Variants in OAF observed in about 807,000 individuals in gnomAD.
The protein encoded by OAF is out at first protein homolog.
Under a neutral mutation model 22.5 loss-of-function variants are expected in OAF, and 13 were observed. That is an observed-to-expected ratio of 0.58 (90% confidence interval 0.38 to 0.92). The LOEUF is 0.92. Among genes scored for constraint, OAF ranks in the 40% least tolerant of loss-of-function variants. The pLI, the probability that OAF is intolerant of heterozygous loss-of-function variation, is 0.00. For missense variants in OAF, 347 were observed against 381.8 expected (o/e 0.91, Z 0.76); for synonymous variants, 175 against 170.5 (o/e 1.03, Z -0.21).
At chr11:120,221,290 G>A (rs1259539322) in intron 1 of OAF, among the ~76,000 whole-genome samples, 3 of 152,190 alleles carry the variant, frequency 2.0e-5, no homozygotes, top group African/African-American at 7.2e-5. Flanking sequence ...CTGCTAATCA[G>A]TGCTCTCCCA....
Position 120,226,958 on chromosome 11 carries a change from A to G in OAF, c.509A>G (p.Tyr170Cys). The G allele has an allele frequency of 1.9e-6, 3 of 1,607,814 alleles. No homozygotes were observed. Among genetic ancestry groups the G allele is most frequent in the Non-Finnish European group, 2.6e-6 (3 of 1,175,138 alleles). ...NVCAEAVDAI[Y>C]TRQEDVRFWL... ...TGTGCCGAGGCCGTGGATGCCATCT[A>G]CACCCGCCAGGAGGATGTCCGGTTC... The change falls in exon 3 of 4, where the codon TAC (tyrosine) becomes TGC (cysteine). Residue 170 changes from tyrosine to cysteine, a missense_variant. Physicochemically the swap from Tyr to Cys is radical, Grantham distance 194. Transcript: ENST00000328965.
rs1443053112 is a variant in OAF, at chr11:120,229,177, C to T, written c.*35C>T. On this transcript the variant is annotated 3_prime_UTR_variant, in exon 4 of 4. Coordinates refer to ENST00000328965, the MANE Select transcript of OAF (RefSeq NM_178507.4). ...AACCTGGCGGGTGGCTGCTCTGGGC[C>T]CACTGCTCTTCACCAGCCACTAGAG... The T allele has an allele frequency of 1.3e-6, 2 of 1,589,162 alleles. No individual in the cohort carries two copies. The highest frequency in any genetic ancestry group is 2.2e-5 in the East Asian group (1 of 44,484).
chr11:120,225,800 G>A lies in OAF; in HGVS notation c.366+5G>A. The A allele has an allele frequency of 1.3e-6, 2 of 1,596,388 alleles. No individual in the cohort carries two copies. Among genetic ancestry groups the A allele is most frequent in the Non-Finnish European group, 1.7e-6 (2 of 1,172,742 alleles). On this transcript the variant is annotated splice_donor_5th_base_variant and intron_variant, in intron 2 of 3. Coordinates refer to ENST00000328965, the MANE Select transcript of OAF (RefSeq NM_178507.4). ...GCCATGGCCAAGCTCCGGCAGGTAAGTGCCCCACCAGGCCTGCCTGGCCCA... is the reference window on the plus strand; with the variant it reads ...GCCATGGCCAAGCTCCGGCAGGTAAATGCCCCACCAGGCCTGCCTGGCCCA...
Position 120,229,771 on chromosome 11 carries a change from A to G in OAF, c.*629A>G, listed in dbSNP as rs1275899447. On this transcript the variant is annotated 3_prime_UTR_variant, in exon 4 of 4. Transcript: ENST00000328965. ...CCACGAGTGCCTTTCCCGGACCTGGACGTTGCCTCCAGAGCAGGCACCAGC... is the reference window on the plus strand; with the variant it reads ...CCACGAGTGCCTTTCCCGGACCTGGGCGTTGCCTCCAGAGCAGGCACCAGC... 2 of 152,806 alleles carry G rather than the reference A, an allele frequency of 1.3e-5. No individual in the cohort carries two copies. Among genetic ancestry groups the G allele is most frequent in the African/African-American group, 2.4e-5 (1 of 41,444 alleles). 9.5% of individuals were successfully genotyped at this position (152,806 alleles called of 1,614,324 possible).
At chr11:120,220,449 G>C (rs1286485914) in intron 1 of OAF, among the ~76,000 whole-genome samples, 1 of 152,228 alleles carries the variant, frequency 6.6e-6, no homozygotes, top group Non-Finnish European at 1.5e-5. Flanking sequence ...AGCACCTGCT[G>C]TGTTCCAGGG....
chr11:120,219,964 C>T (rs553749076), intron 1 of OAF, among the ~76,000 whole-genome samples: 23 of 152,320 alleles, frequency 1.5e-4, no homozygotes, highest in Admixed American at 1.3e-3. Flanking sequence ...AGCATTCATT[C>T]GTTCCTCCAG....
intron 1 of OAF, among the ~76,000 whole-genome samples, chr11:120,220,763 G>A (rs149667920): frequency 5.3e-4 from 81 of 152,300 alleles, no homozygotes; most frequent in East Asian, 7.7e-4. Flanking sequence ...ACACAGCATC[G>A]CTCATTCTGG....
chr11:120,214,967 A>C (rs1370423385), intron 1 of OAF, among the ~76,000 whole-genome samples: 1 of 152,160 alleles, frequency 6.6e-6, no homozygotes, highest in Non-Finnish European at 1.5e-5. Flanking sequence ...TCACCTGGGG[A>C]GCTTTGAAAA....
intron 3 of OAF, among the ~76,000 whole-genome samples, chr11:120,228,541 G>A (rs1441279783): frequency 6.6e-6 from 1 of 152,244 alleles, no homozygotes; most frequent in Admixed American, 6.5e-5. Flanking sequence ...ACTCTGGGTC[G>A]ATGTTCTCAT....
chr11:120,212,994 C>G (rs572314062), intron 1 of OAF, among the ~76,000 whole-genome samples: 1 of 151,524 alleles, frequency 6.6e-6, no homozygotes, highest in African/African-American at 2.4e-5. Context: ...CATCAGGAAT[C>G]GGGGATCTAA....
chr11:120,212,381 C>T (rs1327560757), intron 1 of OAF, among the ~76,000 whole-genome samples: 1 of 151,182 alleles, frequency 6.6e-6, no homozygotes, highest in Non-Finnish European at 1.5e-5. Flanking sequence ...ACCCAGGGGG[C>T]TGGGGGATTA....
At chr11:120,216,128 G>C (rs528489900) in intron 1 of OAF, among the ~76,000 whole-genome samples, 8 of 152,338 alleles carry the variant, frequency 5.3e-5, no homozygotes, top group Non-Finnish European at 1.2e-4. Context: ...TGATGAGTGA[G>C]TGGGAGCCAG....
chr11:120,216,416 A>G (rs1460011306), intron 1 of OAF, among the ~76,000 whole-genome samples: 1 of 152,248 alleles, frequency 6.6e-6, no homozygotes, highest in East Asian at 1.9e-4. Context: ...CTCCTTGGGG[A>G]GGAAAAGGCA....
intron 3 of OAF, 43 bp from the exon 4 acceptor site, chr11:120,228,825 T>TACCAAACAA: frequency 4.6e-6 from 2 of 434,174 alleles, no homozygotes; most frequent in Non-Finnish European, 9.3e-6. Context: ...GCTCCTTCCC[T>TACCAAACAA]CCCTCCCTCC....
intron 1 of OAF, among the ~76,000 whole-genome samples, chr11:120,221,880 G>A (rs1267413422): frequency 3.9e-5 from 6 of 152,170 alleles, no homozygotes; most frequent in East Asian, 1.9e-4. Flanking sequence ...ACAACCTCCC[G>A]TCTTGGGGAC....
At chr11:120,219,582 C>T (rs531335815) in intron 1 of OAF, among the ~76,000 whole-genome samples, 1 of 152,164 alleles carries the variant, frequency 6.6e-6, no homozygotes, top group Admixed American at 6.5e-5. Context: ...TCCCCCAGTG[C>T]AGCTGAACCA....
At position 120,225,713 on chromosome 11, in the gene OAF, G is replaced by A; in HGVS notation, c.284G>A (p.Ser95Asn). 1 of 1,606,262 alleles carries A rather than the reference G, an allele frequency of 6.2e-7. No homozygotes were observed. The highest frequency in any genetic ancestry group is 8.5e-7 in the Non-Finnish European group (1 of 1,176,530). The change falls in exon 2 of 4, where the codon AGT becomes AAT. Residue 95 changes from serine to asparagine, a missense_variant. Transcript: ENST00000328965. ...LILGELEKGQ[S>N]QFQALCFVTQ... ...CTGGGGGAGCTGGAGAAGGGGCAGA[G>A]TCAGTTCCAGGCCCTCTGCTTTGTC...
At chr11:120,224,516 C>T (rs988547768) in intron 1 of OAF, among the ~76,000 whole-genome samples, 2 of 152,184 alleles carry the variant, frequency 1.3e-5, no homozygotes, top group Non-Finnish European at 2.9e-5. Context: ...CTGTGAGTCC[C>T]TTGCCGCATG....
At position 120,229,209 on chromosome 11, in the gene OAF, G is replaced by A. The variant is rs1938404262; in HGVS notation, c.*67G>A. 2 of 1,470,332 alleles carry A rather than the reference G, an allele frequency of 1.4e-6. No individual in the cohort carries two copies. Among genetic ancestry groups the A allele is most frequent in the Non-Finnish European group, 1.9e-6 (2 of 1,067,194 alleles). 91.1% of individuals were successfully genotyped at this position (1,470,332 alleles called of 1,614,324 possible). On this transcript the variant is annotated 3_prime_UTR_variant, in exon 4 of 4. Transcript: ENST00000328965. ...TCTTCACCAGCCACTAGAGGGGGTG[G>A]CAACCCCCACCTGAGGCCTTATTTC...
Sources: allele counts gnomAD v4.1 joint callset (sites outside exome capture counted in the v4.1 genomes callset), GRCh38; gene constraint gnomAD v4.1.1; transcripts MANE v1.5; gene names NCBI Gene and HGNC (gene_info 2026-07-23, HGNC 2026-07-21).